Variants in VTI1A observed in about 807,000 individuals in gnomAD.
The protein encoded by VTI1A is vesicle transport through interaction with t-SNAREs homolog 1A.
A neutral mutation model predicts 34.9 loss-of-function variants in VTI1A; 22 were observed. That is an observed-to-expected ratio of 0.63 (90% CI 0.45 to 0.90). VTI1A has a LOEUF of 0.90. Ranked by LOEUF, VTI1A falls within the 40% of genes least tolerant of loss-of-function variation. The pLI is 0.00. For synonymous variants in VTI1A, 87 were observed against 97.3 expected (o/e 0.89, Z 0.62); for missense variants, 268 against 275.6 (o/e 0.97, Z 0.20).
At chr10:112,504,153 G>A (rs1460458669) in intron 3 of VTI1A, among the ~76,000 whole-genome samples, 1 of 152,084 alleles carries the variant, frequency 6.6e-6, no homozygotes, top group Non-Finnish European at 1.5e-5. Flanking sequence ...TGCTAGAGGT[G>A]GTTCTGCCAG....
intron 5 of VTI1A, among the ~76,000 whole-genome samples, chr10:112,661,592 T>C (rs1847451530): frequency 6.6e-6 from 1 of 152,216 alleles, no homozygotes; most frequent in Non-Finnish European, 1.5e-5. Context: ...TTATTTCATC[T>C]TAATTTTTGA....
intron 5 of VTI1A, among the ~76,000 whole-genome samples, chr10:112,667,259 GGA>G (rs1847675571): frequency 6.6e-6 from 1 of 152,110 alleles, no homozygotes; most frequent in Non-Finnish European, 1.5e-5. Context: ...AGAGGGAAAA[GGA>G]GAGAGAGATG....
chr10:112,679,394 T>C (rs1446834831), intron 7 of VTI1A, among the ~76,000 whole-genome samples: 1 of 152,238 alleles, frequency 6.6e-6, no homozygotes, highest in African/African-American at 2.4e-5. Flanking sequence ...TTGTGATGTT[T>C]GACCACCTTG....
the VTI1A span, among the ~76,000 whole-genome samples, chr10:112,846,118 A>G: frequency 6.6e-6 from 1 of 152,218 alleles, no homozygotes. Context: ...CGTAACAGAT[A>G]GGAGAGTTTA....
chr10:112,741,325 C>T (rs191397856), intron 7 of VTI1A, among the ~76,000 whole-genome samples: 54 of 152,196 alleles, frequency 3.5e-4, no homozygotes, highest in Non-Finnish European at 7.4e-4. Flanking sequence ...CATGGTGGCA[C>T]GCGCCTGTAA....
At chr10:112,807,881 A>T (rs1853142717) in intron 7 of VTI1A, among the ~76,000 whole-genome samples, 1 of 151,652 alleles carries the variant, frequency 6.6e-6, no homozygotes, top group African/African-American at 2.4e-5. Context: ...AAAATAAAAA[A>T]GATCTCTAAT....
intron 3 of VTI1A, among the ~76,000 whole-genome samples, chr10:112,516,167 A>G (rs1849768722): frequency 6.6e-6 from 1 of 152,118 alleles, no homozygotes; most frequent in Non-Finnish European, 1.5e-5. Context: ...GAGGTAATCC[A>G]TATTCCTCAG....
chr10:112,731,937 C>T (rs987414589), intron 7 of VTI1A, among the ~76,000 whole-genome samples: 14 of 151,984 alleles, frequency 9.2e-5, no homozygotes, highest in South Asian at 4.2e-4. Flanking sequence ...TTTTTTAAAG[C>T]CACAAACAAT....
intron 5 of VTI1A, among the ~76,000 whole-genome samples, chr10:112,657,821 T>TGTGTGTGTG: frequency 7.3e-6 from 1 of 136,248 alleles, no homozygotes; most frequent in Non-Finnish European, 1.5e-5. Flanking sequence ...GTGTGTGTGT[T>TGTGTGTGTG]TGTGTGTGTA....
At chr10:112,598,384 A>G (rs1198245632) in intron 5 of VTI1A, among the ~76,000 whole-genome samples, 4 of 152,094 alleles carry the variant, frequency 2.6e-5, no homozygotes, top group African/African-American at 7.2e-5. Context: ...CTCCAAATGT[A>G]CCTTTCTCTC....
intron 7 of VTI1A, among the ~76,000 whole-genome samples, chr10:112,713,091 G>T (rs1225741425): frequency 6.6e-6 from 1 of 152,020 alleles, no homozygotes; most frequent in Non-Finnish European, 1.5e-5. Flanking sequence ...TGCCCAGAAT[G>T]GTCCCCACTG....
In VTI1A at chr10:112,817,258, G is replaced by C; in HGVS notation, c.*1875G>C. 2 of 232,340 alleles carry C rather than the reference G, an allele frequency of 8.6e-6. No homozygotes were observed. Among genetic ancestry groups the C allele is most frequent in the Non-Finnish European group, 1.7e-5 (2 of 117,472 alleles). The allele number at this position is 232,340 out of a possible 1,614,324, so 14.4% of individuals were successfully genotyped here. On this transcript the variant is annotated 3_prime_UTR_variant, in exon 8 of 8. Coordinates refer to ENST00000393077, the MANE Select transcript of VTI1A (RefSeq NM_145206.4). ...AGCTAAAGTGTATAACCAGTTACCA[G>C]CTGCACTTCGCACGGCCATCCCGTC...
chr10:112,605,331 G>T (rs992358058), intron 5 of VTI1A, among the ~76,000 whole-genome samples: 4 of 152,158 alleles, frequency 2.6e-5, no homozygotes, highest in Non-Finnish European at 5.9e-5. Context: ...TGTTGAGAGG[G>T]AAAGAAATTT....
rs898231766 is a variant in VTI1A, at chr10:112,755,994, G to A, written c.561-59296G>A. 8.5e-5 allele frequency among the ~76,000 whole-genome samples: 13 copies of A among 152,168 alleles called. No individual in the cohort carries two copies. In the East Asian group the frequency reaches 2.1e-3, roughly 25 times the overall value. ...GTTCTTGGTAAGTACTGTACCAAAA[G>A]CAGCCTGCCACCCTCCTTTCAAAGA... is the stretch of plus-strand genomic sequence containing the variant. On this transcript the variant is annotated intron_variant, in intron 7 of 7. Coordinates refer to ENST00000393077, the MANE Select transcript of VTI1A (RefSeq NM_145206.4).
At chr10:112,821,498 C>G (rs1853654608), downstream of VTI1A, among the ~76,000 whole-genome samples, 1 of 152,172 alleles carries the variant, frequency 6.6e-6, no homozygotes. Context: ...CGTGACGAGG[C>G]CCCACAGAGT....
intron 3 of VTI1A, among the ~76,000 whole-genome samples, chr10:112,472,004 G>C (rs1297877908): frequency 6.6e-6 from 1 of 152,178 alleles, no homozygotes; most frequent in Non-Finnish European, 1.5e-5. Flanking sequence ...AAGGTTATGA[G>C]GACATGGTGT....
At chr10:112,845,361 TTGGCACAGG>T in the VTI1A span, among the ~76,000 whole-genome samples, 2 of 152,174 alleles carry the variant, frequency 1.3e-5, no homozygotes, top group Non-Finnish European at 2.9e-5. Flanking sequence ...CTGTTCCAGG[TTGGCACAGG>T]TGGCTGGAGA....
chr10:112,692,850 G>A (rs1432011922), intron 7 of VTI1A, among the ~76,000 whole-genome samples: 1 of 152,212 alleles, frequency 6.6e-6, no homozygotes, highest in Non-Finnish European at 1.5e-5. Context: ...CACTGGCCTT[G>A]GCGGGTTCCT....
chr10:112,648,485 C>G (rs950277225), intron 5 of VTI1A, among the ~76,000 whole-genome samples: 2 of 152,122 alleles, frequency 1.3e-5, no homozygotes, highest in African/African-American at 4.8e-5. Context: ...GAGCATCAAC[C>G]ATGATAAATT....
Sources: gnomAD v4.1 joint callset for allele counts (sites outside exome capture counted in the v4.1 genomes callset) on GRCh38, gnomAD v4.1.1 for gene constraint, MANE v1.5 for transcripts, NCBI Gene and HGNC (gene_info 2026-07-23, HGNC 2026-07-21) for gene names.